Variants in ADAMTSL1 observed in about 807,000 individuals in gnomAD.
ADAMTSL1 encodes ADAMTS like 1, also known as ADAMTS-like protein 1.
Under a neutral mutation model 201.8 loss-of-function variants are expected in ADAMTSL1, and 126 were observed. The observed-to-expected ratio is 0.62, with a 90% CI of 0.54 to 0.72. The LOEUF (loss-of-function observed/expected upper bound fraction) is 0.72. Ranked by LOEUF, ADAMTSL1 falls within the 30% of genes least tolerant of loss-of-function variation. The probability of loss-of-function intolerance (pLI) is 0.00; values close to 1 mark genes in which losing one functional copy is unlikely to be tolerated. For missense variants in ADAMTSL1, 2,679 were observed against 2,277.8 expected, an observed-to-expected ratio of 1.18 and a Z score of -3.59; for synonymous variants, 1,121 against 903.4, an observed-to-expected ratio of 1.24 and a Z score of -4.32.
At chr9:18,861,177 C>G (rs1050539317) in intron 23 of ADAMTSL1, among the ~76,000 whole-genome samples, 2 of 152,154 alleles carry the variant, frequency 1.3e-5, no homozygotes, top group Admixed American at 1.3e-4. Context: ...ATACAGAGAT[C>G]ATATACACAT....
chr9:17,976,466 T>G (rs1818452344), intron 1 of ADAMTSL1, among the ~76,000 whole-genome samples: 1 of 152,048 alleles, frequency 6.6e-6, no homozygotes, highest in South Asian at 2.1e-4. Flanking sequence ...TGTTCCTAAG[T>G]ATCACATTCT....
intron 1 of ADAMTSL1, among the ~76,000 whole-genome samples, chr9:18,156,888 G>T (rs1827179422): frequency 6.6e-6 from 1 of 152,048 alleles, no homozygotes. Context: ...TGAAAGGAAT[G>T]GGGTATAATA....
intron 1 of ADAMTSL1, among the ~76,000 whole-genome samples, chr9:18,497,776 G>T (rs1271174257): frequency 6.6e-6 from 1 of 152,170 alleles, no homozygotes; most frequent in Non-Finnish European, 1.5e-5. Flanking sequence ...CTGTGAAATT[G>T]TGTTCTGTTG....
At chr9:18,360,212 C>CAATCACTTTA (rs1490858552) in intron 2 of ADAMTSL1, among the ~76,000 whole-genome samples, 1 of 152,058 alleles carries the variant, frequency 6.6e-6, no homozygotes, top group Non-Finnish European at 1.5e-5. Context: ...CTCTTTATCT[C>CAATCACTTTA]AATCACTTTA....
intron 8 of ADAMTSL1, among the ~76,000 whole-genome samples, chr9:18,660,831 G>T (rs1829046638): frequency 6.6e-6 from 1 of 151,658 alleles, no homozygotes; most frequent in African/African-American, 2.4e-5. Context: ...GGTCTTTAAT[G>T]AACAATTAAT....
intron 1 of ADAMTSL1, among the ~76,000 whole-genome samples, chr9:17,962,931 C>T (rs191927510): frequency 4.6e-5 from 7 of 152,332 alleles, no homozygotes; most frequent in Admixed American, 3.9e-4. Flanking sequence ...GGAGCCACAT[C>T]AGTTGAAACT....
At chr9:18,515,547 C>T (rs1411686594) in intron 2 of ADAMTSL1, among the ~76,000 whole-genome samples, 1 of 152,120 alleles carries the variant, frequency 6.6e-6, no homozygotes, top group East Asian at 1.9e-4. Context: ...GTTGGCCAGG[C>T]TGGTGTCTCC....
At chr9:18,472,682 T>G (rs1019858151), upstream of ADAMTSL1, among the ~76,000 whole-genome samples, 1 of 152,092 alleles carries the variant, frequency 6.6e-6, no homozygotes. Context: ...CTTGATCAGG[T>G]TTTCCATATT....
chr9:18,440,242 C>A (rs537716443), intron 2 of ADAMTSL1, among the ~76,000 whole-genome samples: 31 of 152,126 alleles, frequency 2.0e-4, no homozygotes, highest in Admixed American at 3.9e-4. Context: ...CACACTAGAA[C>A]CAGACTCATG....
chr9:18,270,682 G>T (rs1474460749), intron 2 of ADAMTSL1, among the ~76,000 whole-genome samples: 1 of 152,158 alleles, frequency 6.6e-6, no homozygotes, highest in Non-Finnish European at 1.5e-5. Flanking sequence ...ACTTTCAGAG[G>T]TGTGGTAGGG....
At chr9:18,816,963 C>CT (rs1412980327) in intron 20 of ADAMTSL1, 146 bp from the exon 21 acceptor site, 2 of 1,010,010 alleles carry the variant, frequency 2.0e-6, no homozygotes, top group African/African-American at 3.3e-5. Context: ...ATACTGTGCG[C>CT]TTGCAATTTT....
At chr9:18,185,614 C>T (rs1295764402) in intron 2 of ADAMTSL1, among the ~76,000 whole-genome samples, 1 of 152,044 alleles carries the variant, frequency 6.6e-6, no homozygotes. Flanking sequence ...CAGGTAGGTA[C>T]TGATAGCAAC....
At chr9:18,124,546 G>C (rs1416503250) in intron 1 of ADAMTSL1, among the ~76,000 whole-genome samples, 2 of 152,018 alleles carry the variant, frequency 1.3e-5, no homozygotes, top group Non-Finnish European at 2.9e-5. Context: ...TTTTTACTTT[G>C]TTGGGAATGT....
chr9:18,338,519 T>C (rs1168391606), intron 2 of ADAMTSL1, among the ~76,000 whole-genome samples: 1 of 152,124 alleles, frequency 6.6e-6, no homozygotes, highest in Admixed American at 6.6e-5. Context: ...TAATCATTGC[T>C]CACTGCAGCC....
chr9:18,518,882 A>G (rs1818519679), intron 2 of ADAMTSL1, among the ~76,000 whole-genome samples: 1 of 151,950 alleles, frequency 6.6e-6, no homozygotes, highest in South Asian at 2.1e-4. Flanking sequence ...TAATTTTTGT[A>G]TTTTTAGTAG....
chr9:17,983,173 C>T (rs1412886672), intron 1 of ADAMTSL1, among the ~76,000 whole-genome samples: 7 of 148,682 alleles, frequency 4.7e-5, no homozygotes, highest in Admixed American at 6.9e-5. Context: ...TGGGTTCAAG[C>T]GATTCTCCTG....
chr9:18,839,483 G>A lies in ADAMTSL1; in HGVS notation c.4249+9506G>A, dbSNP rs557625504. 2.6e-3 allele frequency among the ~76,000 whole-genome samples: 395 copies of A among 152,106 alleles called. 2 individuals carry two copies. The highest frequency in any genetic ancestry group is 8.9e-3 in the African/African-American group (371 of 41,474). On this transcript the variant is annotated intron_variant, in intron 23 of 28. Coordinates refer to ENST00000380548, the MANE Select transcript of ADAMTSL1 (RefSeq NM_001040272.6). ...TGTCTTTGCTATTGTGAATAGTGCC[G>A]CAATAAACATATGTGTGCGTGTGTC...
intron 2 of ADAMTSL1, among the ~76,000 whole-genome samples, chr9:18,222,005 G>A (rs566818956): frequency 2.0e-5 from 3 of 151,746 alleles, no homozygotes; most frequent in Admixed American, 1.3e-4. Flanking sequence ...GTATCTTCCC[G>A]AGTCTTAAAA....
chr9:18,326,058 C>T (rs1345007856), intron 2 of ADAMTSL1, among the ~76,000 whole-genome samples: 1 of 151,990 alleles, frequency 6.6e-6, no homozygotes, highest in Non-Finnish European at 1.5e-5. Context: ...GATCTTAATC[C>T]TAGTAGAGAG....
Sources: allele counts gnomAD v4.1 joint callset (sites outside exome capture counted in the v4.1 genomes callset), GRCh38; gene constraint gnomAD v4.1.1; transcripts MANE v1.5; gene names NCBI Gene and HGNC (gene_info 2026-07-23, HGNC 2026-07-21).